The following CBL variants were observed in gnomAD, a reference collection of about 807,000 sequenced individuals.
CBL encodes Cbl proto-oncogene, also known as E3 ubiquitin-protein ligase CBL.
CBL carries 45 observed loss-of-function variants against 96.9 expected under a neutral mutation model. The ratio of observed to expected loss-of-function variants is 0.46; its 90% CI spans 0.37 to 0.60. CBL has a LOEUF of 0.60. Ranked by LOEUF, CBL falls within the 20% of genes least tolerant of loss-of-function variation. The probability of loss-of-function intolerance (pLI) is 0.00; values close to 1 mark genes in which losing one functional copy is unlikely to be tolerated. For missense variants in CBL, 1,024 were observed against 1,143.5 expected, an observed-to-expected ratio of 0.90 and a Z score of 1.51; for synonymous variants, 420 against 426.8, an observed-to-expected ratio of 0.98 and a Z score of 0.20.
intron 4 of CBL, 35 bp downstream of exon 4, chr11:119,274,059 T>G (rs1000015438): frequency 1.1e-5 from 16 of 1,519,116 alleles, no homozygotes; most frequent in Non-Finnish European, 1.5e-5. Flanking sequence ...AACTGGTTAC[T>G]GCTACTTCGG....
intron 2 of CBL, among the ~76,000 whole-genome samples, chr11:119,238,061 G>C (rs1004877849): frequency 2.6e-5 from 4 of 151,436 alleles, no homozygotes; most frequent in African/African-American, 9.7e-5. Context: ...CACTAGAGAC[G>C]GGGTTTCACC....
chr11:119,281,937 CT>C (rs1469987174), intron 9 of CBL, among the ~76,000 whole-genome samples: 1 of 152,102 alleles, frequency 6.6e-6, no homozygotes, highest in Non-Finnish European at 1.5e-5. Context: ...TATTTATGTC[CT>C]TTAAGTCTTG....
intron 2 of CBL, among the ~76,000 whole-genome samples, chr11:119,251,475 A>G (rs1949669426): frequency 6.6e-6 from 1 of 152,234 alleles, no homozygotes; most frequent in South Asian, 2.1e-4. Flanking sequence ...TTCATTTCAT[A>G]TTACAGAAGT....
At chr11:119,282,282 G>A (rs573781289) in intron 9 of CBL, among the ~76,000 whole-genome samples, 7 of 151,216 alleles carry the variant, frequency 4.6e-5, no homozygotes, top group African/African-American at 1.5e-4. Flanking sequence ...AGGTTGCAGC[G>A]AGCTGAGATC....
intron 4 of CBL, among the ~76,000 whole-genome samples, chr11:119,274,496 C>T (rs1311613680): frequency 6.6e-6 from 1 of 152,146 alleles, no homozygotes; most frequent in Non-Finnish European, 1.5e-5. Context: ...AATTTGCATA[C>T]ACATTTATTT....
intron 13 of CBL, among the ~76,000 whole-genome samples, 166 bp downstream of exon 13, chr11:119,297,200 T>C (rs979021877): frequency 6.6e-6 from 1 of 152,238 alleles, no homozygotes; most frequent in African/African-American, 2.4e-5. Context: ...TAGCTGTAGG[T>C]AATTACACTT....
chr11:119,298,447 G>T lies in CBL; in HGVS notation c.2341G>T (p.Val781Leu), dbSNP rs1343017768. The stretch of plus-strand genomic sequence containing the variant: ...TGGGTATGATGTCCCAAAGCCACCT[G>T]TGCCGGCCGTGCTGGCCCGCCGAAC... Reference protein sequence around the residue: ...DDGYDVPKPPVPAVLARRTLS... With the variant: ...DDGYDVPKPPLPAVLARRTLS... The change falls in exon 15 of 16, where the codon GTG becomes TTG. Residue 781 changes from valine (V) to leucine (L), a missense_variant. Physicochemically the swap from Val to Leu is conservative, Grantham distance 32. Coordinates refer to ENST00000264033, the MANE Select transcript of CBL (RefSeq NM_005188.4). 6.2e-7 allele frequency: 1 copy of T among 1,614,078 alleles called. No individual in the cohort carries two copies. Among genetic ancestry groups the T allele is most frequent in the Non-Finnish European group, 8.5e-7 (1 of 1,180,020 alleles).
At position 119,297,025 on chromosome 11, in the gene CBL, A is replaced by T; in HGVS notation, c.2144A>T (p.Gln715Leu). Residue 715 changes from glutamine to leucine, a missense_variant, in exon 13 of 16, where the codon CAG (glutamine) becomes CTG (leucine). Around this residue, in one of 4 missense-constraint regions of CBL, gnomAD observed 695 missense variants for 661.6 expected, o/e 1.05. Transcript: ENST00000264033. ...SRPLRPLDTS[Q>L]SSRACDCDQQ... is the part of the protein sequence containing the mutation. ...CCTCTACGGCCTTTGGATACATCCCAGAGTTCACGGTAGGTTCACAACAAC... is the reference window on the plus strand; with the variant it reads ...CCTCTACGGCCTTTGGATACATCCCTGAGTTCACGGTAGGTTCACAACAAC... 3.2e-6 allele frequency: 5 copies of T among 1,558,624 alleles called. No individual in the cohort carries two copies. Among genetic ancestry groups the T allele is most frequent in the Non-Finnish European group, 4.4e-6 (5 of 1,129,226 alleles).
At chr11:119,225,773 G>A (rs1282049799) in intron 1 of CBL, among the ~76,000 whole-genome samples, 1 of 110,884 alleles carries the variant, frequency 9.0e-6, no homozygotes, top group African/African-American at 3.6e-5. Flanking sequence ...TGTTGCCCAT[G>A]CTAGAGTGCA....
intron 2 of CBL, among the ~76,000 whole-genome samples, chr11:119,245,257 G>T (rs1182947720): frequency 6.6e-6 from 1 of 150,486 alleles, no homozygotes; most frequent in East Asian, 2.0e-4. Context: ...CAGCCTTTTG[G>T]TTTGAGGACC....
At chr11:119,209,759 C>G (rs748981622) in intron 1 of CBL, among the ~76,000 whole-genome samples, 51 of 152,268 alleles carry the variant, frequency 3.3e-4, no homozygotes, top group Admixed American at 1.8e-3. Flanking sequence ...TGAATTAGCA[C>G]TGGGAGCTGT....
At chr11:119,269,246 C>CTTTTT (rs11317875) in intron 2 of CBL, among the ~76,000 whole-genome samples, 2 of 118,348 alleles carry the variant, frequency 1.7e-5, no homozygotes, top group African/African-American at 6.8e-5. Context: ...TGGATAAGTG[C>CTTTTT]TTTTTTTTTT....
At chr11:119,241,915 G>T (rs772560745) in intron 2 of CBL, among the ~76,000 whole-genome samples, 42 of 152,138 alleles carry the variant, frequency 2.8e-4, no homozygotes, top group Non-Finnish European at 2.9e-4. Flanking sequence ...CTAATGAATT[G>T]GATAGATTTC....
In CBL at chr11:119,287,945, A is replaced by G; in HGVS notation, c.2035A>G (p.Arg679Gly). The part of the protein sequence containing the change: ...SANAIYSLAA[R>G]PLPVPKLPPG... Reference sequence around the variant, plus strand: ...CAATGCCATTTATTCTCTGGCTGCCAGGTAAGTCTGCTAAAGCTATATTTT... The same window carrying G: ...CAATGCCATTTATTCTCTGGCTGCCGGGTAAGTCTGCTAAAGCTATATTTT... Residue 679 changes from arginine (R) to glycine (G), a missense_variant and splice_region_variant, in exon 12 of 16, where the codon AGA becomes GGA. This residue lies in a region of CBL where 695 missense variants were observed against 661.6 expected (regional missense o/e 1.05). Coordinates refer to ENST00000264033, the MANE Select transcript of CBL (RefSeq NM_005188.4). The G allele has an allele frequency of 6.2e-7, 1 of 1,607,358 alleles. No homozygotes were observed. The highest frequency in any genetic ancestry group is 8.5e-7 in the Non-Finnish European group (1 of 1,173,808).
Position 119,206,510 on chromosome 11 carries a change from C to T in CBL, c.93C>T (p.Asp31=), listed in dbSNP as rs376679438. ...GTGGCCTGATTGGGCTCATGAAGGA[C>T]GCCTTCCAGCCGCACCACCACCACC... ...GSGGLIGLMK[D]AFQPHHHHHH... The change falls in exon 1 of 16, where the codon GAC becomes GAT. Residue 31 remains aspartate, a synonymous_variant. Coordinates refer to ENST00000264033, the MANE Select transcript of CBL (RefSeq NM_005188.4). 6.4e-7 allele frequency: 1 copy of T among 1,562,250 alleles called. No homozygotes were observed. The highest frequency in any genetic ancestry group is 1.2e-5 in the South Asian group (1 of 85,266).
chr11:119,259,139 T>G (rs968595317), intron 2 of CBL, among the ~76,000 whole-genome samples: 2 of 152,210 alleles, frequency 1.3e-5, no homozygotes, highest in African/African-American at 4.8e-5. Flanking sequence ...TTTCGTAACC[T>G]GAGACTTAAC....
Position 119,303,388 on chromosome 11 carries a change from T to G in CBL, c.*3607T>G, listed in dbSNP as rs773281700. 2 of 233,458 alleles carry G rather than the reference T, an allele frequency of 8.6e-6. No individual in the cohort carries two copies. The highest frequency in any genetic ancestry group is 1.7e-5 in the Non-Finnish European group (2 of 117,986). 14.5% of individuals were successfully genotyped at this position (233,458 alleles called of 1,614,324 possible). On this transcript the variant is annotated 3_prime_UTR_variant, in exon 16 of 16. Coordinates refer to ENST00000264033, the MANE Select transcript of CBL (RefSeq NM_005188.4). ...TGTTTGTTCATCCAGCAAATGTTTA[T>G]GAGTGATGACCATGTGCCAGAAATG...
intron 6 of CBL, among the ~76,000 whole-genome samples, chr11:119,276,443 T>C (rs1292526474): frequency 6.6e-6 from 1 of 152,240 alleles, no homozygotes; most frequent in Non-Finnish European, 1.5e-5. Context: ...AGCAGGAAAT[T>C]TGACCAGTTA....
intron 12 of CBL, among the ~76,000 whole-genome samples, chr11:119,294,425 C>CAA (rs762939448): frequency 1.5e-5 from 2 of 130,036 alleles, no homozygotes. Context: ...TCTCCGTCTC[C>CAA]AAAAAAAAAA....
Sources: allele counts gnomAD v4.1 joint callset (sites outside exome capture counted in the v4.1 genomes callset), GRCh38; gene constraint gnomAD v4.1.1; regional missense constraint gnomAD v4.1.1; transcripts MANE v1.5; gene names NCBI Gene and HGNC (gene_info 2026-07-23, HGNC 2026-07-21).